Variants in MTFR1 observed in about 807,000 individuals in gnomAD.
MTFR1 encodes the protein mitochondrial fission regulator 1.
In MTFR1, 28 loss-of-function variants were observed where a neutral mutation model predicts 38.8. That is an observed-to-expected ratio of 0.72 (90% CI 0.53 to 0.99). MTFR1 has a LOEUF of 0.99. MTFR1 is among the 50% of genes least tolerant of loss of function. MTFR1 has a pLI of 0.00. For synonymous variants in MTFR1, 145 were observed against 137.0 expected (o/e 1.06, Z -0.41); for missense variants, 358 against 395.5 (o/e 0.91, Z 0.81).
exon 4 of MTFR1, chr8:65,770,964 C>T: frequency 3.6e-6 from 1 of 277,004 alleles, no homozygotes; most frequent in Non-Finnish European, 7.2e-6. Flanking sequence ...TCGTTAAAGT[C>T]AGAACCTGCT....
intron 1 of MTFR1, among the ~76,000 whole-genome samples, chr8:65,647,070 A>G (rs1032665379): frequency 5.9e-5 from 9 of 152,346 alleles, no homozygotes; most frequent in African/African-American, 2.2e-4. Flanking sequence ...TTTAAACTTA[A>G]TGAGCAAAGA....
At chr8:65,724,754 A>G in intron 3 of MTFR1, 1 of 1,578,866 alleles carries the variant, frequency 6.3e-7, no homozygotes, top group Non-Finnish European at 8.6e-7. Flanking sequence ...CTAGAAATAG[A>G]ATGTTTCCAA....
intron 3 of MTFR1, among the ~76,000 whole-genome samples, chr8:65,753,807 T>C (rs1013138277): frequency 1.3e-5 from 2 of 152,254 alleles, no homozygotes; most frequent in Non-Finnish European, 2.9e-5. Flanking sequence ...TTGTTAGATA[T>C]ACGTATGTGT....
intron 4 of MTFR1, among the ~76,000 whole-genome samples, chr8:65,702,174 A>G (rs1427734976): frequency 3.3e-5 from 5 of 151,664 alleles, no homozygotes; most frequent in Admixed American, 2.6e-4. Context: ...CCCACTGTAG[A>G]TTTCTCATGG....
intron 2 of MTFR1, among the ~76,000 whole-genome samples, chr8:65,679,317 A>G (rs1352364700): frequency 6.6e-6 from 1 of 152,180 alleles, no homozygotes; most frequent in African/African-American, 2.4e-5. Flanking sequence ...TAAAATGTAT[A>G]AGGTAGGGCC....
intron 3 of MTFR1, among the ~76,000 whole-genome samples, chr8:65,725,945 AG>A (rs774771988): frequency 1.1e-4 from 16 of 152,224 alleles, no homozygotes; most frequent in Non-Finnish European, 7.4e-5. Context: ...TTTACTTACC[AG>A]AAGTATTGTC....
chr8:65,734,875 G>A, intron 3 of MTFR1: 1 of 1,609,248 alleles, frequency 6.2e-7, no homozygotes. Flanking sequence ...TTTGACTGTG[G>A]TAATCTTCTT....
At chr8:65,662,631 GC>G (rs1809468804) in intron 1 of MTFR1, among the ~76,000 whole-genome samples, 1 of 141,234 alleles carries the variant, frequency 7.1e-6, no homozygotes, top group African/African-American at 2.6e-5. Context: ...CTGCCCGGCC[GC>G]CCCATCTGAG....
exon 4 of MTFR1, chr8:65,771,205 A>T (rs1287636968): frequency 6.0e-6 from 1 of 167,066 alleles, no homozygotes; most frequent in African/African-American, 2.4e-5. Context: ...ATGTATCTTC[A>T]TAATATAAAC....
chr8:65,737,565 C>T (rs1028755700), intron 3 of MTFR1, among the ~76,000 whole-genome samples: 5 of 152,108 alleles, frequency 3.3e-5, no homozygotes, highest in Non-Finnish European at 4.4e-5. Flanking sequence ...AGTACAGTGG[C>T]GCGATCTCGG....
intron 4 of MTFR1, among the ~76,000 whole-genome samples, chr8:65,697,182 A>G (rs1805471949): frequency 6.6e-6 from 1 of 151,408 alleles, no homozygotes; most frequent in African/African-American, 2.4e-5. Context: ...ACGGAGTTTC[A>G]CCATGTTGGC....
chr8:65,683,336 TG>T (rs1239550033), intron 3 of MTFR1, among the ~76,000 whole-genome samples: 1 of 152,122 alleles, frequency 6.6e-6, no homozygotes, highest in Non-Finnish European at 1.5e-5. Flanking sequence ...TTCACCATGT[TG>T]GCCAGGATGG....
chr8:65,745,876 G>C (rs531560756), intron 3 of MTFR1, among the ~76,000 whole-genome samples: 80 of 151,946 alleles, frequency 5.3e-4, no homozygotes, highest in African/African-American at 1.9e-3. Context: ...TCCAGGTACT[G>C]TTATAAGTTA....
chr8:65,697,422 G>A (rs777948872), intron 4 of MTFR1, among the ~76,000 whole-genome samples: 6 of 152,166 alleles, frequency 3.9e-5, no homozygotes, highest in Non-Finnish European at 7.3e-5. Context: ...ATTATTCTCT[G>A]GCTATTCATC....
At chr8:65,745,145 T>C (rs1447257384) in intron 3 of MTFR1, among the ~76,000 whole-genome samples, 2 of 152,222 alleles carry the variant, frequency 1.3e-5, no homozygotes, top group African/African-American at 4.8e-5. Context: ...CCTGCCAACA[T>C]GTAAGATGTG....
At chr8:65,750,900 T>C (rs1455983646) in intron 3 of MTFR1, among the ~76,000 whole-genome samples, 1 of 152,196 alleles carries the variant, frequency 6.6e-6, no homozygotes, top group Non-Finnish European at 1.5e-5. Context: ...AAATGAGTAT[T>C]AGATATTGAC....
At chr8:65,700,139 C>G (rs890975719) in intron 4 of MTFR1, among the ~76,000 whole-genome samples, 17 of 151,346 alleles carry the variant, frequency 1.1e-4, no homozygotes, top group African/African-American at 4.1e-4. Context: ...TTGCTTGACC[C>G]CAGGAGTTCA....
chr8:65,724,386 T>C (rs1806522847), intron 3 of MTFR1: 4 of 1,400,784 alleles, frequency 2.9e-6, no homozygotes, highest in South Asian at 1.2e-5. Flanking sequence ...TTTTAAGATA[T>C]ATACACACTT....
intron 3 of MTFR1, 149 bp from the exon 4 acceptor site, chr8:65,693,495 A>G (rs1329357665): frequency 1.8e-5 from 11 of 624,444 alleles, no homozygotes; most frequent in East Asian, 1.1e-4. Flanking sequence ...GATTATGACT[A>G]TTAATCATGG....
Sources: gnomAD v4.1 joint callset for allele counts (sites outside exome capture counted in the v4.1 genomes callset) on GRCh38, gnomAD v4.1.1 for gene constraint, MANE v1.5 for transcripts, NCBI Gene and HGNC (gene_info 2026-07-23, HGNC 2026-07-21) for gene names.